The following MAST4 variants were observed in gnomAD, a reference collection of about 807,000 sequenced individuals.
MAST4 encodes microtubule associated serine/threonine kinase family member 4, also known as microtubule-associated serine/threonine-protein kinase 4.
In MAST4, 89 loss-of-function variants were observed where a neutral mutation model predicts 162.7. The observed-to-expected ratio is 0.55, with a 90% confidence interval of 0.46 to 0.65. MAST4 has a LOEUF of 0.65. MAST4 is among the 30% of genes least tolerant of loss of function. The pLI, the probability that MAST4 is intolerant of heterozygous loss-of-function variation, is 0.00. For synonymous variants in MAST4, 1,479 were observed against 1,361.1 expected (o/e 1.09, Z -1.91); for missense variants, 3,153 against 3,374.0 (o/e 0.93, Z 1.62).
At chr5:66,780,329 G>C (rs564977451) in intron 2 of MAST4, among the ~76,000 whole-genome samples, 1 of 152,116 alleles carries the variant, frequency 6.6e-6, no homozygotes, top group African/African-American at 2.4e-5. Flanking sequence ...GTCCAGAATT[G>C]GTTCCTTCTG....
At position 67,020,375 on chromosome 5, in the gene MAST4, C is replaced by G. The variant is rs1047881266; in HGVS notation, c.675-34029C>G. Among the ~76,000 whole-genome samples the G allele has an allele frequency of 5.9e-5, 9 of 152,184 alleles. No individual in the cohort carries two copies. The South Asian group carries it at 1.2e-3, about 21-fold the overall frequency. ...GGGAGCATGACCACATTATATCCTT[C>G]CAACAATCTGCCACATTATCATACA... On this transcript the variant is annotated intron_variant, in intron 4 of 28. Transcript: ENST00000403625.
intron 4 of MAST4, among the ~76,000 whole-genome samples, chr5:66,925,966 C>G (rs1001135125): frequency 9.3e-5 from 14 of 150,256 alleles, no homozygotes; most frequent in Non-Finnish European, 1.8e-4. Context: ...GCATTTAAGT[C>G]TTTTATGAGA....
chr5:67,095,956 C>CG (rs987732410), intron 7 of MAST4, among the ~76,000 whole-genome samples: 1 of 151,930 alleles, frequency 6.6e-6, no homozygotes, highest in Non-Finnish European at 1.5e-5. Flanking sequence ...TGGTGTAGTT[C>CG]GGGGGGAAAA....
chr5:66,791,782 T>C (rs1755422154), intron 3 of MAST4, among the ~76,000 whole-genome samples: 1 of 152,164 alleles, frequency 6.6e-6, no homozygotes, highest in Non-Finnish European at 1.5e-5. Context: ...TCCCTTTCCC[T>C]TCAGAGAGTT....
intron 5 of MAST4, among the ~76,000 whole-genome samples, chr5:67,081,023 ATATTATATAATATAATATATAAT>A (rs1762558516): frequency 7.4e-6 from 1 of 135,504 alleles, no homozygotes; most frequent in African/African-American, 2.8e-5. Flanking sequence ...ATAATTGTAT[ATATTATATAATATAATATATAAT>A]TGTATATATT....
At chr5:66,661,247 C>T (rs543947218) in intron 1 of MAST4, among the ~76,000 whole-genome samples, 2 of 152,214 alleles carry the variant, frequency 1.3e-5, no homozygotes, top group Admixed American at 1.3e-4. Flanking sequence ...AAATCCAGGC[C>T]CTTCTCTCCT....
At chr5:67,109,325 A>C (rs919045304) in intron 10 of MAST4, among the ~76,000 whole-genome samples, 2 of 152,166 alleles carry the variant, frequency 1.3e-5, no homozygotes, top group Admixed American at 6.5e-5. Context: ...GGAAATTCTC[A>C]TACCTGACCT....
At position 67,152,736 on chromosome 5, in the gene MAST4, C is replaced by T. The variant is rs371054608; in HGVS notation, c.3395C>T (p.Ser1132Leu). 34 of 1,613,976 alleles carry T rather than the reference C, an allele frequency of 2.1e-5. No homozygotes were observed. The highest frequency in any genetic ancestry group is 2.8e-5 in the Non-Finnish European group (33 of 1,179,918). Reference protein sequence around the residue: ...SRDSSPSRDSSAASASPHQPI... With the variant: ...SRDSSPSRDSLAASASPHQPI... ...GATTCCTCTCCCAGCCGAGATTCCT[C>T]AGCAGCTTCTGCCAGTCCACATCAG... Residue 1132 changes from serine (S) to leucine (L), a missense_variant, in exon 25 of 29, where the codon TCA (serine) becomes TTA (leucine). Ser to Leu is a moderately radical substitution (Grantham distance 145, BLOSUM62 -2). This residue lies in a region of MAST4 where 619 missense variants were observed against 744.2 expected (regional missense o/e 0.83). Transcript: ENST00000403625.
intron 1 of MAST4, among the ~76,000 whole-genome samples, chr5:66,750,152 T>A (rs1436331046): frequency 1.3e-5 from 2 of 152,250 alleles, no homozygotes; most frequent in African/African-American, 4.8e-5. Context: ...CTTCTCTTTT[T>A]TTAAGCATAA....
chr5:67,018,391 T>C (rs1753574001), intron 4 of MAST4, among the ~76,000 whole-genome samples: 1 of 152,110 alleles, frequency 6.6e-6, no homozygotes, highest in African/African-American at 2.4e-5. Context: ...CATTCGTGCC[T>C]GTGGTCCCAG....
In MAST4 at chr5:67,122,866, A is replaced by G. The variant is rs137968352; in HGVS notation, c.1745+1764A>G. 1.4e-4 allele frequency among the ~76,000 whole-genome samples: 22 copies of G among 152,334 alleles called. No homozygotes were observed. The East Asian group carries it at 4.2e-3, about 29-fold the overall frequency. ...CAAGAAGTTAAACAAGCTGTGAATC[A>G]GTAAACACCCAGGATGCAGGCCAAG... On this transcript the variant is annotated intron_variant, in intron 14 of 28. Transcript: ENST00000403625.
At chr5:66,799,926 G>T (rs956325324) in intron 3 of MAST4, among the ~76,000 whole-genome samples, 9 of 152,138 alleles carry the variant, frequency 5.9e-5, no homozygotes, top group Non-Finnish European at 1.0e-4. Flanking sequence ...TGTCATTGTT[G>T]CTGGAGTCAA....
At position 67,160,439 on chromosome 5, in the gene MAST4, C is replaced by G. The variant is rs763687013; in HGVS notation, c.3649-17C>G. ...ATCACAGCATTTCCCTTTAATGCCA[C>G]CTCATCTTTTCTTTAGAGTGGGAAT... On this transcript the variant is annotated splice_polypyrimidine_tract_variant and intron_variant, in intron 26 of 28. Coordinates refer to ENST00000403625, the MANE Select transcript of MAST4 (RefSeq NM_001164664.2). 6.3e-7 allele frequency: 1 copy of G among 1,598,408 alleles called. No homozygotes were observed. Among genetic ancestry groups the G allele is most frequent in the Admixed American group, 1.8e-5 (1 of 57,110 alleles).
intron 4 of MAST4, chr5:67,001,487 A>G (rs1751293431): frequency 6.6e-6 from 1 of 152,232 alleles, no homozygotes; most frequent in African/African-American, 2.4e-5. Flanking sequence ...TGTAGTTAAA[A>G]ATACTCATGT....
At chr5:66,837,378 G>A (rs962594376) in intron 3 of MAST4, among the ~76,000 whole-genome samples, 2 of 152,046 alleles carry the variant, frequency 1.3e-5, no homozygotes, top group African/African-American at 2.4e-5. Flanking sequence ...CCATCCAACA[G>A]TAAGCATGTT....
intron 1 of MAST4, among the ~76,000 whole-genome samples, chr5:66,708,288 G>A (rs1490985642): frequency 1.3e-5 from 2 of 152,238 alleles, no homozygotes; most frequent in South Asian, 4.1e-4. Context: ...AACTCTGTCT[G>A]AACTTTGGTT....
chr5:66,669,201 G>C (rs565301572), intron 1 of MAST4, among the ~76,000 whole-genome samples: 12 of 152,320 alleles, frequency 7.9e-5, no homozygotes, highest in African/African-American at 2.9e-4. Flanking sequence ...TAAAGAGATA[G>C]AAGGGTGATC....
At chr5:66,841,328 C>A (rs1758408949) in intron 3 of MAST4, among the ~76,000 whole-genome samples, 1 of 152,140 alleles carries the variant, frequency 6.6e-6, no homozygotes, top group Non-Finnish European at 1.5e-5. Context: ...GATTCATTTT[C>A]TGTAATATGA....
chr5:66,838,203 C>A (rs191308087), intron 3 of MAST4, among the ~76,000 whole-genome samples: 1 of 152,042 alleles, frequency 6.6e-6, no homozygotes, highest in East Asian at 1.9e-4. Context: ...TGCTTTGTCC[C>A]TTAAAATGTT....
Sources: allele counts gnomAD v4.1 joint callset (sites outside exome capture counted in the v4.1 genomes callset), GRCh38; gene constraint gnomAD v4.1.1; regional missense constraint gnomAD v4.1.1; transcripts MANE v1.5; gene names NCBI Gene and HGNC (gene_info 2026-07-23, HGNC 2026-07-21).